Variants in DGKB observed in about 807,000 individuals in gnomAD.
DGKB encodes the protein 90 kDa diacylglycerol kinase.
Under a neutral mutation model 114.3 loss-of-function variants are expected in DGKB, and 67 were observed. That is an observed-to-expected ratio of 0.59 (90% CI 0.48 to 0.72). The LOEUF (loss-of-function observed/expected upper bound fraction) is 0.72, where lower values mean the gene tolerates loss of function less well. DGKB is among the 30% of genes least tolerant of loss of function. The probability of loss-of-function intolerance (pLI) is 0.00; values close to 1 mark genes in which losing one functional copy is unlikely to be tolerated. For synonymous variants in DGKB, 398 were observed against 323.1 expected (o/e 1.23, Z -2.49); for missense variants, 907 against 975.2 (o/e 0.93, Z 0.93).
At chr7:14,730,264 T>C (rs769407823) in intron 5 of DGKB, among the ~76,000 whole-genome samples, 1 of 152,210 alleles carries the variant, frequency 6.6e-6, no homozygotes, top group Non-Finnish European at 1.5e-5. Context: ...TAATGAATAC[T>C]AAATGGTTGG....
chr7:14,206,609 A>G (rs770444344), intron 23 of DGKB, among the ~76,000 whole-genome samples: 1 of 152,034 alleles, frequency 6.6e-6, no homozygotes, highest in Non-Finnish European at 1.5e-5. Context: ...CCCCACTGAG[A>G]TATTTTTTAC....
chr7:14,931,853 G>C (rs1300523068), intron 1 of DGKB, among the ~76,000 whole-genome samples: 2 of 152,066 alleles, frequency 1.3e-5, no homozygotes, highest in African/African-American at 4.8e-5. Flanking sequence ...GTGGGTCGGG[G>C]GGTGGGGATA....
intron 21 of DGKB, among the ~76,000 whole-genome samples, chr7:14,429,075 G>C (rs1477174090): frequency 1.3e-5 from 2 of 152,020 alleles, no homozygotes; most frequent in African/African-American, 4.8e-5. Flanking sequence ...AAACACAGAA[G>C]GCATATTGAA....
At chr7:14,901,605 A>ACCCCCCCCCCCCCCCCCCTCCCCC (rs1300363624) in intron 1 of DGKB, among the ~76,000 whole-genome samples, 2 of 123,094 alleles carry the variant, frequency 1.6e-5, no homozygotes, top group Non-Finnish European at 3.4e-5. Flanking sequence ...AGGGATTTCC[A>ACCCCCCCCCCCCCCCCCCTCCCCC]CCCCCCCCCA....
chr7:14,689,053 GACTTA>G (rs1281437356), intron 9 of DGKB, among the ~76,000 whole-genome samples: 20 of 151,656 alleles, frequency 1.3e-4, no homozygotes, highest in African/African-American at 4.8e-5. Context: ...TGTTTCAACT[GACTTA>G]ACTTATATAG....
At chr7:14,237,513 A>T (rs1272648554) in intron 23 of DGKB, among the ~76,000 whole-genome samples, 1 of 151,994 alleles carries the variant, frequency 6.6e-6, no homozygotes, top group Non-Finnish European at 1.5e-5. Context: ...TTAATGTGAG[A>T]GCACAGTCTT....
intron 1 of DGKB, among the ~76,000 whole-genome samples, chr7:14,893,365 C>T (rs146220630): frequency 2.4e-3 from 370 of 151,518 alleles, no homozygotes; most frequent in African/African-American, 8.4e-3. Context: ...TTTTCCTGGT[C>T]TTTAGAACAT....
chr7:14,161,662 G>C (rs777253471), intron 25 of DGKB, among the ~76,000 whole-genome samples: 4 of 151,548 alleles, frequency 2.6e-5, no homozygotes, highest in African/African-American at 4.9e-5. Context: ...ACCAGGGCCT[G>C]TTGGGGGGTG....
chr7:14,170,134 CA>C (rs762339951), intron 25 of DGKB, among the ~76,000 whole-genome samples: 20 of 33,082 alleles, frequency 6.0e-4, no homozygotes, highest in South Asian at 1.1e-3. Flanking sequence ...AACTCCATCT[CA>C]AAAAAAAAAA....
chr7:14,770,134 AT>A, intron 2 of DGKB, among the ~76,000 whole-genome samples: 1 of 152,140 alleles, frequency 6.6e-6, no homozygotes, highest in East Asian at 1.9e-4. Flanking sequence ...ATTTTGTAAA[AT>A]TGTTATGTGG....
chr7:14,937,428 C>T (rs1477852420), intron 1 of DGKB, among the ~76,000 whole-genome samples: 1 of 151,950 alleles, frequency 6.6e-6, no homozygotes, highest in Non-Finnish European at 1.5e-5. Context: ...CAATCACATT[C>T]ACAGGTACAT....
At chr7:14,754,498 A>G (rs1639230) in intron 3 of DGKB, among the ~76,000 whole-genome samples, 53,976 of 151,772 alleles carry the variant, frequency 0.36, 13,275 homozygotes, top group African/African-American at 0.69. Context: ...ATATATTTCT[A>G]TACACATCTG....
Position 14,593,850 on chromosome 7 carries a change from T to C in DGKB, c.1434-10713A>G, listed in dbSNP as rs192544526. ...AAAGAAAAAAACAACACAGGAGATT[T>C]GCAGCATCCAATCAGAAGGGGCCCA... On this transcript the variant is annotated intron_variant, in intron 17 of 25. Coordinates refer to ENST00000402815, the MANE Select transcript of DGKB (RefSeq NM_001350709.2). Among the ~76,000 whole-genome samples the C allele has an allele frequency of 6.9e-3, 1,054 of 151,656 alleles. 3 individuals are homozygous for C. Among genetic ancestry groups the C allele is most frequent in the Non-Finnish European group, 0.012 (798 of 67,906 alleles).
chr7:14,854,985 C>G (rs180920643), intron 1 of DGKB, among the ~76,000 whole-genome samples: 2 of 151,894 alleles, frequency 1.3e-5, no homozygotes, highest in African/African-American at 4.8e-5. Context: ...TCAAGAGAAC[C>G]CAAGAGACAC....
intron 20 of DGKB, among the ~76,000 whole-genome samples, chr7:14,545,920 C>G (rs1300760108): frequency 6.6e-6 from 1 of 152,194 alleles, no homozygotes; most frequent in Non-Finnish European, 1.5e-5. Flanking sequence ...TTTGACCAGT[C>G]TGCACAGAAC....
chr7:14,737,892 C>CAAAA (rs72307217), intron 4 of DGKB, among the ~76,000 whole-genome samples: 1 of 104,594 alleles, frequency 9.6e-6, no homozygotes, highest in Non-Finnish European at 2.2e-5. Flanking sequence ...GACTCCGTCT[C>CAAAA]AAAAAAAAAA....
chr7:14,490,270 C>T (rs948329318), intron 20 of DGKB, among the ~76,000 whole-genome samples: 2 of 151,964 alleles, frequency 1.3e-5, no homozygotes, highest in African/African-American at 4.8e-5. Flanking sequence ...TCTCAAAAGG[C>T]TTTAGCTTAT....
intron 1 of DGKB, among the ~76,000 whole-genome samples, chr7:14,858,845 G>C (rs560924676): frequency 2.0e-4 from 30 of 152,312 alleles, no homozygotes; most frequent in African/African-American, 6.7e-4. Flanking sequence ...AACATTTATT[G>C]AGTGACAAGT....
intron 21 of DGKB, among the ~76,000 whole-genome samples, chr7:14,396,089 C>G (rs201353948): frequency 1.3e-5 from 2 of 151,852 alleles, no homozygotes; most frequent in East Asian, 3.9e-4. Flanking sequence ...GTTAACCTTA[C>G]ATGTTGGTTA....
Sources: allele counts gnomAD v4.1 joint callset (sites outside exome capture counted in the v4.1 genomes callset), GRCh38; gene constraint gnomAD v4.1.1; transcripts MANE v1.5; gene names NCBI Gene and HGNC (gene_info 2026-07-23, HGNC 2026-07-21).